Variants in CCSER1 observed in about 807,000 individuals in gnomAD.
CCSER1 encodes the protein serine-rich coiled-coil domain-containing protein 1.
CCSER1 carries 41 observed loss-of-function variants against 82.0 expected under a neutral mutation model. That is an observed-to-expected ratio of 0.50 (90% confidence interval 0.39 to 0.65). CCSER1 has a LOEUF of 0.65. CCSER1 is among the 30% of genes least tolerant of loss of function. The probability of loss-of-function intolerance (pLI) is 0.00; values close to 1 mark genes in which losing one functional copy is unlikely to be tolerated. For synonymous variants in CCSER1, 414 were observed against 383.9 expected (o/e 1.08, Z -0.92); for missense variants, 1,119 against 1,064.2 (o/e 1.05, Z -0.72).
chr4:90,844,262 G>A (rs1010372136), intron 8 of CCSER1, among the ~76,000 whole-genome samples: 5 of 151,708 alleles, frequency 3.3e-5, no homozygotes, highest in African/African-American at 1.2e-4. Flanking sequence ...GTAGCAACTG[G>A]GTATTACTAA....
At chr4:90,319,143 A>T (rs1579154759) in intron 3 of CCSER1, among the ~76,000 whole-genome samples, 1 of 152,268 alleles carries the variant, frequency 6.6e-6, no homozygotes, top group African/African-American at 2.4e-5. Flanking sequence ...TCTAACTGAG[A>T]CCCAGCTGCT....
At chr4:90,501,848 A>G (rs1769928447) in intron 5 of CCSER1, among the ~76,000 whole-genome samples, 1 of 152,152 alleles carries the variant, frequency 6.6e-6, no homozygotes, top group Non-Finnish European at 1.5e-5. Flanking sequence ...ATTATCCAAA[A>G]TTATTTTTTT....
chr4:91,552,478 G>A (rs1054756661), intron 10 of CCSER1, among the ~76,000 whole-genome samples: 3 of 151,658 alleles, frequency 2.0e-5, no homozygotes, highest in South Asian at 4.2e-4. Flanking sequence ...GTCATAATTT[G>A]GGTTGATGTG....
intron 10 of CCSER1, among the ~76,000 whole-genome samples, chr4:91,560,403 T>C (rs1001606741): frequency 1.3e-5 from 2 of 151,582 alleles, no homozygotes; most frequent in Non-Finnish European, 3.0e-5. Context: ...GATTAGTAAT[T>C]AAATGTTGAC....
At chr4:91,008,978 G>A (rs866095194) in intron 9 of CCSER1, among the ~76,000 whole-genome samples, 4 of 152,212 alleles carry the variant, frequency 2.6e-5, no homozygotes, top group Non-Finnish European at 4.4e-5. Context: ...CGATTAGGAC[G>A]AACCCGGGCA....
Position 90,508,368 on chromosome 4 carries a change from A to AT in CCSER1, c.1724+40022dup, listed in dbSNP as rs567414069. 3.6e-3 allele frequency among the ~76,000 whole-genome samples: 550 copies of AT among 151,680 alleles called. 4 individuals carry two copies. The highest frequency in any genetic ancestry group is 0.012 in the African/African-American group (514 of 41,376). On this transcript the variant is annotated intron_variant, in intron 5 of 10. Transcript: ENST00000509176. The stretch of plus-strand genomic sequence containing the variant: ...AAAATTAAAGTTGTCCTTTTTCTGG[A>AT]TTTTTTTTCATTTAGACCTCACAGA...
intron 8 of CCSER1, among the ~76,000 whole-genome samples, chr4:90,881,004 C>A (rs138629201): frequency 9.9e-4 from 149 of 150,740 alleles, no homozygotes; most frequent in Non-Finnish European, 1.8e-3. Context: ...GCCACGCACA[C>A]TAGCTGCTTC....
intron 10 of CCSER1, among the ~76,000 whole-genome samples, chr4:91,439,504 C>T (rs1301491604): frequency 2.6e-5 from 4 of 152,140 alleles, no homozygotes; most frequent in South Asian, 2.1e-4. Context: ...AAAGGAACAA[C>T]CAGTACCAGC....
chr4:90,932,954 GAAAGAAAGAA>G (rs1246020464), intron 9 of CCSER1, among the ~76,000 whole-genome samples: 1 of 32,592 alleles, frequency 3.1e-5, no homozygotes, highest in South Asian at 7.5e-4. Context: ...AAGAAAGAAA[GAAAGAAAGAA>G]AGAAAGAAAG....
At chr4:90,912,076 C>T (rs1726479553) in intron 8 of CCSER1, among the ~76,000 whole-genome samples, 1 of 152,204 alleles carries the variant, frequency 6.6e-6, no homozygotes, top group African/African-American at 2.4e-5. Flanking sequence ...GAACAAAAGG[C>T]AGCAGAAACC....
chr4:91,433,462 C>T (rs74697131), intron 10 of CCSER1, among the ~76,000 whole-genome samples: 1,877 of 152,280 alleles, frequency 0.012, 33 homozygotes, highest in Middle Eastern at 0.041. Flanking sequence ...AGGCAGCTTC[C>T]AGTACTGCAA....
At chr4:90,333,034 C>T (rs1488708073) in intron 3 of CCSER1, among the ~76,000 whole-genome samples, 1 of 152,124 alleles carries the variant, frequency 6.6e-6, no homozygotes, top group Non-Finnish European at 1.5e-5. Context: ...TATTTGCAGA[C>T]TAATTCATGA....
chr4:91,440,821 A>G (rs1010836195), intron 10 of CCSER1, among the ~76,000 whole-genome samples: 2 of 152,360 alleles, frequency 1.3e-5, no homozygotes, highest in Non-Finnish European at 1.5e-5. Flanking sequence ...ACAAACTACC[A>G]TCAGACAATA....
intron 9 of CCSER1, among the ~76,000 whole-genome samples, chr4:91,037,699 A>G (rs1033311911): frequency 6.6e-6 from 1 of 152,060 alleles, no homozygotes; most frequent in African/African-American, 2.4e-5. Context: ...CTCCACGGAG[A>G]AAGATTTGTG....
chr4:90,170,516 G>C (rs1337082045), intron 1 of CCSER1, among the ~76,000 whole-genome samples: 2 of 150,798 alleles, frequency 1.3e-5, no homozygotes, highest in African/African-American at 2.4e-5. Flanking sequence ...TCGCCCCCTA[G>C]CCACTCTCCA....
chr4:91,296,448 A>ATT (rs1298000645), intron 10 of CCSER1, among the ~76,000 whole-genome samples: 15 of 25,610 alleles, frequency 5.9e-4, no homozygotes, highest in Non-Finnish European at 8.5e-4. Flanking sequence ...AGTGTCTAAC[A>ATT]TTATATATAT....
chr4:90,493,376 AAGGC>A (rs1353985314), intron 5 of CCSER1, among the ~76,000 whole-genome samples: 1 of 152,184 alleles, frequency 6.6e-6, no homozygotes, highest in Non-Finnish European at 1.5e-5. Flanking sequence ...CCAGCCTAGA[AAGGC>A]AGGCCAACAT....
intron 7 of CCSER1, among the ~76,000 whole-genome samples, chr4:90,811,497 T>A (rs1271288777): frequency 6.6e-6 from 1 of 151,958 alleles, no homozygotes; most frequent in East Asian, 1.9e-4. Flanking sequence ...AAAGGAAAAA[T>A]CACTTTAGAG....
At chr4:91,558,371 G>C (rs1482495220) in intron 10 of CCSER1, among the ~76,000 whole-genome samples, 1 of 151,626 alleles carries the variant, frequency 6.6e-6, no homozygotes, top group Non-Finnish European at 1.5e-5. Context: ...AACCATCAAT[G>C]AATTTAGAGT....
Sources: allele counts gnomAD v4.1 joint callset (sites outside exome capture counted in the v4.1 genomes callset), GRCh38; gene constraint gnomAD v4.1.1; transcripts MANE v1.5; gene names NCBI Gene and HGNC (gene_info 2026-07-23, HGNC 2026-07-21).